The following ARFGEF2 variants were observed in gnomAD, a reference collection of about 807,000 sequenced individuals.
ARFGEF2 encodes brefeldin A-inhibited guanine nucleotide-exchange protein 2.
Under a neutral mutation model 219.9 loss-of-function variants are expected in ARFGEF2, and 74 were observed. The observed-to-expected ratio is 0.34, with a 90% confidence interval of 0.28 to 0.41. The LOEUF (loss-of-function observed/expected upper bound fraction) is 0.41. Ranked by LOEUF, ARFGEF2 falls within the 10% of genes least tolerant of loss-of-function variation. The pLI is 1.00. For missense variants in ARFGEF2, 1,743 were observed against 2,218.3 expected (o/e 0.79, Z 4.30); for synonymous variants, 733 against 799.2 (o/e 0.92, Z 1.40).
intron 8 of ARFGEF2, among the ~76,000 whole-genome samples, chr20:48,966,289 A>C (rs958009686): frequency 2.0e-5 from 3 of 152,202 alleles, no homozygotes; most frequent in Non-Finnish European, 4.4e-5. Context: ...TCTCTCTCAA[A>C]ATAGTATACA....
intron 34 of ARFGEF2, among the ~76,000 whole-genome samples, chr20:49,022,457 C>T (rs2091571824): frequency 1.3e-5 from 2 of 151,406 alleles, no homozygotes; most frequent in South Asian, 4.2e-4. Context: ...AAGCTTCTGG[C>T]CTCTTCAGAG....
intron 1 of ARFGEF2, among the ~76,000 whole-genome samples, chr20:48,940,447 T>G (rs2090986443): frequency 6.6e-6 from 1 of 152,272 alleles, no homozygotes; most frequent in Non-Finnish European, 1.5e-5. Flanking sequence ...ACTTTCAATA[T>G]TTTATTGGTT....
rs374800429 is a variant in ARFGEF2, at chr20:49,018,890, G to A, written c.4516G>A (p.Asp1506Asn). The A allele has an allele frequency of 5.3e-5, 86 of 1,613,426 alleles. No individual in the cohort carries two copies. Among genetic ancestry groups the A allele is most frequent in the Non-Finnish European group, 6.9e-5 (81 of 1,179,544 alleles). The part of the protein sequence containing the change: ...EDSSEKHLDV[D>N]LDRQSLSSID... ...CCCTCTGGTTTACATTTAGGATGTG[G>A]ATCTGGACCGCCAGTCTTTAAGCAG... The change falls in exon 34 of 39, where the codon GAT (aspartate) becomes AAT (asparagine). Residue 1506 changes from aspartate (D) to asparagine (N), a missense_variant. Transcript: ENST00000371917.
At chr20:49,000,011 G>A (rs927073141) in intron 25 of ARFGEF2, among the ~76,000 whole-genome samples, 1 of 152,116 alleles carries the variant, frequency 6.6e-6, no homozygotes, top group Non-Finnish European at 1.5e-5. Flanking sequence ...TAATCAATGG[G>A]GTGCTGGTAA....
In ARFGEF2 at chr20:49,009,948, G is replaced by C. The variant is rs3818223; in HGVS notation, c.3585-284G>C. Among the ~76,000 whole-genome samples, 56,880 of 152,018 alleles carry C rather than the reference G, an allele frequency of 0.37. 11,478 individuals carry two copies. The highest frequency in any genetic ancestry group is 0.54 in the African/African-American group (22,425 of 41,444). ...AACTTTGGTTCCATGGCCTGGATAG[G>C]GACCATTTATTTGAGACCCAGGCTT... On this transcript the variant is annotated intron_variant, in intron 26 of 38. Coordinates refer to ENST00000371917, the MANE Select transcript of ARFGEF2 (RefSeq NM_006420.3).
chr20:48,957,670 G>A (rs556457227), intron 6 of ARFGEF2, among the ~76,000 whole-genome samples: 1 of 152,300 alleles, frequency 6.6e-6, no homozygotes, highest in South Asian at 2.1e-4. Flanking sequence ...ATCCAGAAAA[G>A]CCTCTTCTGA....
At chr20:49,009,434 A>C (rs2091482515) in intron 26 of ARFGEF2, among the ~76,000 whole-genome samples, 1 of 151,790 alleles carries the variant, frequency 6.6e-6, no homozygotes, top group Non-Finnish European at 1.5e-5. Context: ...TGGGCAACAG[A>C]GCAAGACCTT....
intron 16 of ARFGEF2, among the ~76,000 whole-genome samples, chr20:48,985,911 G>T (rs2091324063): frequency 6.6e-6 from 1 of 152,184 alleles, no homozygotes; most frequent in Non-Finnish European, 1.5e-5. Flanking sequence ...AAGTTGAGAG[G>T]AGACAATTGG....
At position 48,974,841 on chromosome 20, in the gene ARFGEF2, C is replaced by G. The variant is rs1235624378; in HGVS notation, c.1741C>G (p.Leu581Val). 9 of 1,613,824 alleles carry G rather than the reference C, an allele frequency of 5.6e-6. No homozygotes were observed. In the South Asian group the frequency reaches 7.7e-5, roughly 14 times the overall value. ...LKCMVEWSKD[L>V]YVNPNHQTSL... ...GTGCATGGTGGAGTGGAGCAAAGAC[C>G]TGTATGTGAATCCCAACCACCAGAC... is the stretch of plus-strand genomic sequence containing the variant. The change falls in exon 13 of 39, where the codon CTG becomes GTG. Residue 581 changes from leucine to valine, a missense_variant. Physicochemically the swap from Leu to Val is conservative, Grantham distance 32 (BLOSUM62 1). Transcript: ENST00000371917.
In ARFGEF2 at chr20:49,007,085, C is replaced by T. The variant is rs189755357; in HGVS notation, c.3584+1864C>T. 8.5e-5 allele frequency among the ~76,000 whole-genome samples: 13 copies of T among 152,108 alleles called. No homozygotes were observed. In the East Asian group the frequency reaches 2.3e-3, roughly 27 times the overall value. ...AGGACCATTAGGATGAGGTAGGAGGCCATTGTAGTTGTCCAGGTTTGGACC... is the reference window on the plus strand; with the variant it reads ...AGGACCATTAGGATGAGGTAGGAGGTCATTGTAGTTGTCCAGGTTTGGACC... On this transcript the variant is annotated intron_variant, in intron 26 of 38. Coordinates refer to ENST00000371917, the MANE Select transcript of ARFGEF2 (RefSeq NM_006420.3).
At chr20:48,959,190 A>G (rs568239222) in intron 6 of ARFGEF2, among the ~76,000 whole-genome samples, 6 of 152,200 alleles carry the variant, frequency 3.9e-5, no homozygotes, top group African/African-American at 1.4e-4. Context: ...AGCTTCTTTG[A>G]TAAAATGAGT....
intron 26 of ARFGEF2, among the ~76,000 whole-genome samples, chr20:49,008,005 C>G (rs1484790301): frequency 1.3e-5 from 2 of 152,102 alleles, no homozygotes; most frequent in Non-Finnish European, 2.9e-5. Flanking sequence ...CTCTCAGATA[C>G]TGTTGGTGGA....
Position 49,025,387 on chromosome 20 carries a change from C to A in ARFGEF2, c.4830C>A (p.His1610Gln), listed in dbSNP as rs767239875. 8.7e-6 allele frequency: 14 copies of A among 1,614,098 alleles called. No individual in the cohort carries two copies. The highest frequency in any genetic ancestry group is 1.1e-5 in the Non-Finnish European group (13 of 1,179,996). Reference protein sequence around the residue: ...QGMYKYMSSQHLFKLLDCLQE... With the variant: ...QGMYKYMSSQQLFKLLDCLQE... The stretch of plus-strand genomic sequence containing the variant: ...TGTATAAGTACATGTCTTCCCAGCA[C>A]CTCTTCAAGCTGTTGGACTGTTTGC... Residue 1610 changes from histidine to glutamine, a missense_variant, in exon 36 of 39, where the codon CAC becomes CAA. Physicochemically the swap from His to Gln is conservative, Grantham distance 24 (BLOSUM62 0). Transcript: ENST00000371917.
chr20:48,952,797 CA>C lies in ARFGEF2; in HGVS notation c.517del (p.Ser173AlafsTer18). 1.9e-6 allele frequency: 3 copies of C among 1,614,176 alleles called. No individual in the cohort carries two copies. The highest frequency in any genetic ancestry group is 2.5e-6 in the Non-Finnish European group (3 of 1,180,022). ...GAACATGTTACAATATCTATTTGGCCAGCAAAAATCTCATCAATCAAACCAC... is the reference window on the plus strand; with the variant it reads ...GAACATGTTACAATATCTATTTGGCCGCAAAAATCTCATCAATCAAACCAC... ...VRTCYNIYLASKNLINQTTAK... is the reference protein window; with the variant it reads ...VRTCYNIYLAXKNLINQTTAK... On this transcript the variant is annotated frameshift_variant, in exon 5 of 39. Coordinates refer to ENST00000371917, the MANE Select transcript of ARFGEF2 (RefSeq NM_006420.3). LOFTEE classifies it high-confidence loss of function.
intron 26 of ARFGEF2, among the ~76,000 whole-genome samples, chr20:49,009,391 A>G (rs1193832902): frequency 6.6e-6 from 1 of 152,084 alleles, no homozygotes; most frequent in African/African-American, 2.4e-5. Flanking sequence ...CAGAGGTTGC[A>G]ATGAGTCGAG....
In ARFGEF2 at chr20:48,952,991, C is replaced by T; in HGVS notation, c.603+107C>T. The T allele has an allele frequency of 2.5e-6, 3 of 1,179,778 alleles. No individual in the cohort carries two copies. In the South Asian group the frequency reaches 3.8e-5, roughly 15 times the overall value. The allele number at this position is 1,179,778 out of a possible 1,614,324, so 73.1% of individuals were successfully genotyped here. Reference sequence around the variant, plus strand: ...GAATCACTAGCATTTTAAAGCTACCCCTTCTTCCTGTGGATTCTCTGTACT... The same window carrying T: ...GAATCACTAGCATTTTAAAGCTACCTCTTCTTCCTGTGGATTCTCTGTACT... On this transcript the variant is annotated intron_variant, in intron 5 of 38. Transcript: ENST00000371917.
chr20:48,929,702 C>T (rs181031755), intron 1 of ARFGEF2, among the ~76,000 whole-genome samples: 30 of 152,248 alleles, frequency 2.0e-4, no homozygotes, highest in African/African-American at 6.7e-4. Context: ...GGGCAGGAGG[C>T]ATTTCAGCAG....
In ARFGEF2 at chr20:48,998,238, G is replaced by A. The variant is rs1481504384; in HGVS notation, c.3262+5G>A. 6.2e-7 allele frequency: 1 copy of A among 1,614,036 alleles called. No individual in the cohort carries two copies. Among genetic ancestry groups the A allele is most frequent in the Non-Finnish European group, 8.5e-7 (1 of 1,180,012 alleles). On this transcript the variant is annotated splice_donor_5th_base_variant and intron_variant, in intron 24 of 38. Coordinates refer to ENST00000371917, the MANE Select transcript of ARFGEF2 (RefSeq NM_006420.3). ...GACTGGATGGAAATGCAATAGGTATGTATTTGACTTACCTGTGAAAACTGC... is the reference window on the plus strand; with the variant it reads ...GACTGGATGGAAATGCAATAGGTATATATTTGACTTACCTGTGAAAACTGC...
At chr20:48,951,596 C>T (rs2091071330) in intron 4 of ARFGEF2, 127 bp downstream of exon 4, 19 of 1,270,616 alleles carry the variant, frequency 1.5e-5, no homozygotes, top group South Asian at 2.5e-5. Flanking sequence ...AAGATTTAAG[C>T]GTCACTTAGA....
Sources: gnomAD v4.1 joint callset for allele counts (sites outside exome capture counted in the v4.1 genomes callset) on GRCh38, gnomAD v4.1.1 for gene constraint, MANE v1.5 for transcripts, NCBI Gene and HGNC (gene_info 2026-07-23, HGNC 2026-07-21) for gene names.